The following MUSK variants were observed in gnomAD, a reference collection of about 807,000 sequenced individuals.
MUSK encodes the protein muscle, skeletal receptor tyrosine-protein kinase.
In MUSK, 55 loss-of-function variants were observed where a neutral mutation model predicts 88.7. The ratio of observed to expected loss-of-function variants is 0.62; its 90% CI spans 0.50 to 0.78. MUSK has a LOEUF of 0.78. Ranked by LOEUF, MUSK falls within the 30% of genes least tolerant of loss-of-function variation. MUSK has a pLI of 0.00. For missense variants in MUSK, 1,015 were observed against 1,074.3 expected (o/e 0.94, Z 0.77); for synonymous variants, 387 against 391.9 (o/e 0.99, Z 0.15).
Position 110,775,876 on chromosome 9 carries a change from G to A in MUSK, c.1273G>A (p.Glu425Lys), listed in dbSNP as rs745722798. 1.5e-5 allele frequency: 25 copies of A among 1,613,926 alleles called. No homozygotes were observed. The highest frequency in any genetic ancestry group is 3.3e-5 in the Admixed American group (2 of 60,008). ...GACCCACAGAGGACTCTACAGATCC[G>A]AGATGCATTTGCTGTCCGTGCCAGA... ...EKTHRGLYRS[E>K]MHLLSVPECS... The change falls in exon 10 of 15, where the codon GAG (glutamate) becomes AAG (lysine). Residue 425 changes from glutamate to lysine, a missense_variant. Coordinates refer to ENST00000374448, the MANE Select transcript of MUSK (RefSeq NM_005592.4).
rs542786108 is a variant in MUSK, at chr9:110,677,767, T to C, written c.80-4907T>C. ...AGTTCAGTGGTTGAGAAACATTATT[T>C]ATCATGTTAAAGAAATACTATTATA... On this transcript the variant is annotated intron_variant, in intron 1 of 14. Transcript: ENST00000374448. Among the ~76,000 whole-genome samples, 31 of 152,302 alleles carry C rather than the reference T, an allele frequency of 2.0e-4. 1 individual carries two copies. The South Asian group carries it at 6.0e-3, about 30-fold the overall frequency.
chr9:110,682,651 T>G (rs2131656137), intron 1 of MUSK, 23 bp from the exon 2 acceptor site: 4 of 1,608,028 alleles, frequency 2.5e-6, no homozygotes, highest in South Asian at 1.1e-5. Flanking sequence ...AATGTTCTCT[T>G]TTGATTTCTC....
chr9:110,680,079 A>T (rs1441431725), intron 1 of MUSK, among the ~76,000 whole-genome samples: 1 of 152,068 alleles, frequency 6.6e-6, no homozygotes, highest in Non-Finnish European at 1.5e-5. Flanking sequence ...TAACTATTTC[A>T]GAGAAAGTCT....
At chr9:110,766,718 A>G (rs1355161176) in intron 8 of MUSK, among the ~76,000 whole-genome samples, 1 of 152,170 alleles carries the variant, frequency 6.6e-6, no homozygotes. Flanking sequence ...TCTTACTTTA[A>G]ATTCTTTATA....
intron 5 of MUSK, among the ~76,000 whole-genome samples, chr9:110,713,449 G>A (rs2076702524): frequency 6.6e-6 from 1 of 151,970 alleles, no homozygotes; most frequent in Non-Finnish European, 1.5e-5. Flanking sequence ...TAGTGGAGAT[G>A]GGGCTTCACC....
chr9:110,749,124 C>T (rs2077215630), intron 7 of MUSK, among the ~76,000 whole-genome samples: 1 of 152,002 alleles, frequency 6.6e-6, no homozygotes, highest in Non-Finnish European at 1.5e-5. Flanking sequence ...TTATAAAGCA[C>T]TTTTACATGC....
At chr9:110,753,855 T>C (rs1026245541) in intron 7 of MUSK, among the ~76,000 whole-genome samples, 1 of 151,506 alleles carries the variant, frequency 6.6e-6, no homozygotes, top group Admixed American at 6.6e-5. Context: ...TTCACACTAC[T>C]ACAGAAAAAA....
At position 110,800,376 on chromosome 9, in the gene MUSK, C is replaced by G. The variant is rs1364426411; in HGVS notation, c.1998C>G (p.Phe666Leu). 1 of 1,613,696 alleles carries G rather than the reference C, an allele frequency of 6.2e-7. No individual in the cohort carries two copies. The highest frequency in any genetic ancestry group is 8.5e-7 in the Non-Finnish European group (1 of 1,179,866). ...TGGCCTATGGTGACCTCAATGAGTT[C>G]CTCCGCAGCATGTCCCCTCACACCG... Reference protein sequence around the residue: ...EYMAYGDLNEFLRSMSPHTVC... With the variant: ...EYMAYGDLNELLRSMSPHTVC... Residue 666 changes from phenylalanine (F) to leucine (L), a missense_variant, in exon 15 of 15, where the codon TTC (phenylalanine) becomes TTG (leucine). Coordinates refer to ENST00000374448, the MANE Select transcript of MUSK (RefSeq NM_005592.4).
intron 5 of MUSK, among the ~76,000 whole-genome samples, chr9:110,718,992 T>A (rs1311441995): frequency 1.3e-5 from 2 of 152,086 alleles, no homozygotes; most frequent in Non-Finnish European, 2.9e-5. Context: ...CTAAGCTTCA[T>A]AAATGAAGGA....
chr9:110,711,050 G>A (rs1378608625), intron 5 of MUSK, among the ~76,000 whole-genome samples: 4 of 152,242 alleles, frequency 2.6e-5, no homozygotes, highest in African/African-American at 9.6e-5. Context: ...ATTGAACAAT[G>A]AGAACACTTG....
chr9:110,744,811 T>A (rs1185155804), intron 6 of MUSK, among the ~76,000 whole-genome samples: 2 of 152,150 alleles, frequency 1.3e-5, no homozygotes, highest in East Asian at 3.9e-4. Flanking sequence ...ATCATGCATT[T>A]CCTGTAACTA....
Position 110,762,217 on chromosome 9 carries a change from C to A in MUSK, c.920+9C>A. On this transcript the variant is annotated intron_variant, in intron 8 of 14. Transcript: ENST00000374448. ...CTGTTAATAGAATGGAGGTAAGAAA[C>A]TGTTATTGTAACAATTGTTTCCAAT... 7.0e-7 allele frequency: 1 copy of A among 1,426,682 alleles called. No homozygotes were observed. Among genetic ancestry groups the A allele is most frequent in the Non-Finnish European group, 9.2e-7 (1 of 1,086,204 alleles). The allele number at this position is 1,426,682 out of a possible 1,614,324, so 88.4% of individuals were successfully genotyped here. A position where few individuals can be genotyped will look rare whatever the true frequency, so the allele number is the denominator to read the frequency against.
intron 3 of MUSK, among the ~76,000 whole-genome samples, chr9:110,689,488 ATG>A (rs1564217195): frequency 2.8e-5 from 3 of 107,090 alleles, no homozygotes; most frequent in African/African-American, 4.3e-5. Flanking sequence ...ATATAAAAAT[ATG>A]TAAAAAATAC....
In MUSK at chr9:110,679,735, G is replaced by C. The variant is rs4602974; in HGVS notation, c.80-2939G>C. On this transcript the variant is annotated intron_variant, in intron 1 of 14. Coordinates refer to ENST00000374448, the MANE Select transcript of MUSK (RefSeq NM_005592.4). ...TTTGAATTTTATTTATTTTTTAGTA[G>C]TAACCATTAATAAGGTTTTAACATA... Among the ~76,000 whole-genome samples the C allele has an allele frequency of 6.1e-3, 928 of 151,642 alleles. 39 individuals carry two copies. Among genetic ancestry groups the C allele is most frequent in the Admixed American group, 0.049 (739 of 15,220 alleles).
At chr9:110,752,921 A>G (rs1313435854) in intron 7 of MUSK, among the ~76,000 whole-genome samples, 2 of 152,160 alleles carry the variant, frequency 1.3e-5, no homozygotes, top group Non-Finnish European at 2.9e-5. Flanking sequence ...ACCTCTCCCT[A>G]TGAACCAGGA....
intron 14 of MUSK, among the ~76,000 whole-genome samples, chr9:110,791,057 G>C (rs1337228675): frequency 6.6e-6 from 1 of 152,014 alleles, no homozygotes; most frequent in Non-Finnish European, 1.5e-5. Context: ...AGAAAGTAGG[G>C]ATCATTAAAA....
intron 13 of MUSK, among the ~76,000 whole-genome samples, chr9:110,786,430 T>C (rs954935519): frequency 3.9e-5 from 6 of 152,066 alleles, no homozygotes; most frequent in African/African-American, 9.7e-5. Flanking sequence ...CAGTAGCCTA[T>C]ATGGAGATAA....
At chr9:110,715,129 G>T (rs558243538) in intron 5 of MUSK, among the ~76,000 whole-genome samples, 2 of 149,764 alleles carry the variant, frequency 1.3e-5, no homozygotes, top group South Asian at 4.2e-4. Context: ...TTTGAAGTCC[G>T]CTAAAGGAAC....
rs1564268679 is a variant in MUSK, at chr9:110,755,951, C to CATATATATAACATATATATATATAT, written c.914-6250_914-6249insTATATATAACATATATATATATATA. Among the ~76,000 whole-genome samples the CATATATATAACATATATATATATAT allele has an allele frequency of 7.8e-3, 789 of 101,742 alleles. 25 individuals carry two copies. Among genetic ancestry groups the CATATATATAACATATATATATATAT allele is most frequent in the Non-Finnish European group, 0.012 (604 of 52,046 alleles). 66.7% of individuals were successfully genotyped at this position (101,742 alleles called of 152,430 possible). ...ATATATACATATATATATATATATACACATATATATATACATATATATATA... is the reference window on the plus strand; with the variant it reads ...ATATATACATATATATATATATATACATATATATAACATATATATATATATACATATATATATACATATATATATA... On this transcript the variant is annotated intron_variant, in intron 7 of 14. Transcript: ENST00000374448.
Sources: allele counts gnomAD v4.1 joint callset (sites outside exome capture counted in the v4.1 genomes callset), GRCh38; gene constraint gnomAD v4.1.1; transcripts MANE v1.5; gene names NCBI Gene and HGNC (gene_info 2026-07-23, HGNC 2026-07-21).